The following PRKN variants were observed in gnomAD, a reference collection of about 807,000 sequenced individuals.
PRKN encodes parkin RBR E3 ubiquitin protein ligase, also known as E3 ubiquitin-protein ligase parkin.
A neutral mutation model predicts 59.5 loss-of-function variants in PRKN; 56 were observed. The observed-to-expected ratio is 0.94, with a 90% CI of 0.76 to 1.18. PRKN has a LOEUF of 1.18. PRKN is among the 50% of genes most tolerant of loss of function. The pLI is 0.00. For missense variants in PRKN, 657 were observed against 596.4 expected, an observed-to-expected ratio of 1.10 and a Z score of -1.06; for synonymous variants, 250 against 222.1, an observed-to-expected ratio of 1.13 and a Z score of -1.12.
chr6:161,474,507 T>C (rs1224851921), intron 9 of PRKN, among the ~76,000 whole-genome samples: 1 of 152,186 alleles, frequency 6.6e-6, no homozygotes, highest in East Asian at 1.9e-4. Flanking sequence ...GTGGTATCTG[T>C]GACTTAGTCA....
intron 6 of PRKN, among the ~76,000 whole-genome samples, chr6:161,815,025 CA>C (rs1257622641): frequency 6.6e-6 from 1 of 151,934 alleles, no homozygotes; most frequent in Non-Finnish European, 1.5e-5. Context: ...ACTTTTATGA[CA>C]ATGAGAAAAA....
intron 2 of PRKN, among the ~76,000 whole-genome samples, chr6:162,421,730 G>C (rs7746196): frequency 0.51 from 78,136 of 151,776 alleles, 20,471 homozygotes; most frequent in East Asian, 0.69. Context: ...CAAACAAGGA[G>C]AATCAAGTAA....
At chr6:162,444,862 C>T (rs978196636) in intron 1 of PRKN, among the ~76,000 whole-genome samples, 15 of 152,110 alleles carry the variant, frequency 9.9e-5, no homozygotes, top group Admixed American at 9.8e-4. Flanking sequence ...GTTCCCTTAT[C>T]TTGAAAACAT....
Position 161,419,170 on chromosome 6 carries a change from A to G in PRKN, c.1084-32293T>C, listed in dbSNP as rs1050111242. Among the ~76,000 whole-genome samples the G allele has an allele frequency of 1.3e-5, 2 of 152,192 alleles. No homozygotes were observed. Among genetic ancestry groups the G allele is most frequent in the African/African-American group, 4.8e-5 (2 of 41,434 alleles). The stretch of plus-strand genomic sequence containing the variant: ...AATGGTGAGAATCCTTTACGAGCTA[A>G]CGTGCTACACAGAGTTTGATGCTTC... On this transcript the variant is annotated intron_variant, in intron 9 of 11. Transcript: ENST00000366898. This position sits in a 1 kb window ranked among gnomAD's most constrained non-coding sequence, Gnocchi z 4.1.
intron 1 of PRKN, among the ~76,000 whole-genome samples, chr6:162,617,433 T>C (rs1211366957): frequency 6.6e-6 from 1 of 152,142 alleles, no homozygotes; most frequent in Non-Finnish European, 1.5e-5. Context: ...GGTTTCACCA[T>C]GTTGGCCAGG....
At chr6:162,250,472 G>C (rs1779389819) in intron 3 of PRKN, among the ~76,000 whole-genome samples, 1 of 152,144 alleles carries the variant, frequency 6.6e-6, no homozygotes, top group African/African-American at 2.4e-5. Context: ...CCTTTGATGA[G>C]TACACAGAAG....
chr6:161,481,124 C>T (rs1365706041), intron 9 of PRKN, among the ~76,000 whole-genome samples: 1 of 152,206 alleles, frequency 6.6e-6, no homozygotes, highest in Non-Finnish European at 1.5e-5. Flanking sequence ...ATATTACATG[C>T]CACCATAGAA....
At chr6:162,640,402 C>T (rs1391709819) in intron 1 of PRKN, among the ~76,000 whole-genome samples, 1 of 152,094 alleles carries the variant, frequency 6.6e-6, no homozygotes, top group Non-Finnish European at 1.5e-5. Flanking sequence ...AGTAACATAG[C>T]TGTTTCTGAA....
At position 162,231,640 on chromosome 6, in the gene PRKN, C is replaced by T. The variant is rs576911992; in HGVS notation, c.413-30388G>A. Among the ~76,000 whole-genome samples, 476 of 152,262 alleles carry T rather than the reference C, an allele frequency of 3.1e-3. 1 individual carries two copies. The highest frequency in any genetic ancestry group is 5.2e-3 in the Non-Finnish European group (351 of 68,020). ...CATTTGGGAAAATAACAGCCATACA[C>T]ATAGCACGGTCCTAGGAAAATCATA... On this transcript the variant is annotated intron_variant, in intron 3 of 11. Transcript: ENST00000366898.
rs147757966 is a variant in PRKN at position 162,443,383 on chromosome 6, C to A, written c.98G>T (p.Arg33Leu). 6.2e-7 allele frequency: 1 copy of A among 1,613,966 alleles called. No individual in the cohort carries two copies. Among genetic ancestry groups the A allele is most frequent in the South Asian group, 1.1e-5 (1 of 91,070 alleles). ...IFQLKEVVAK[R>L]QGVPADQLRV... Reference sequence around the variant, plus strand: ...CAACTGGTCAGCCGGAACCCCCTGTCGCTTAGCAACCACCTCCTTGAGCTG... The same window carrying A: ...CAACTGGTCAGCCGGAACCCCCTGTAGCTTAGCAACCACCTCCTTGAGCTG... Residue 33 changes from arginine to leucine, a missense_variant, in exon 2 of 12, where the codon CGA (arginine) becomes CTA (leucine). Transcript: ENST00000366898.
intron 1 of PRKN, among the ~76,000 whole-genome samples, chr6:162,455,643 T>G (rs182978104): frequency 6.6e-6 from 1 of 152,156 alleles, no homozygotes; most frequent in Non-Finnish European, 1.5e-5. Context: ...GGGGGCCCAT[T>G]TTTTTCTGAA....
At chr6:162,265,940 G>A (rs1780111274) in intron 2 of PRKN, among the ~76,000 whole-genome samples, 1 of 152,088 alleles carries the variant, frequency 6.6e-6, no homozygotes, top group Non-Finnish European at 1.5e-5. Context: ...ATTCTATTTG[G>A]ACAAGCTATC....
In PRKN at chr6:161,743,259, G is replaced by A. The variant is rs184290408; in HGVS notation, c.871+42513C>T. 6.9e-3 allele frequency among the ~76,000 whole-genome samples: 790 copies of A among 114,048 alleles called. 9 individuals are homozygous for A. Among genetic ancestry groups the A allele is most frequent in the Admixed American group, 0.014 (103 of 7,410 alleles). 74.8% of individuals were successfully genotyped at this position (114,048 alleles called of 152,430 possible). On this transcript the variant is annotated intron_variant, in intron 7 of 11. Transcript: ENST00000366898. ...TTTTTTGAGACGGAGTCTCTCTGTC[G>A]CCCAGGCTGGAGTGCAGTGGTGCAA...
At chr6:162,177,530 T>A in intron 4 of PRKN, among the ~76,000 whole-genome samples, 1 of 152,196 alleles carries the variant, frequency 6.6e-6, no homozygotes, top group South Asian at 2.1e-4. Flanking sequence ...AACTTATTTT[T>A]CTCATTTAAA....
At chr6:162,363,127 C>CAA (rs1471437759) in intron 2 of PRKN, among the ~76,000 whole-genome samples, 1 of 38,850 alleles carries the variant, frequency 2.6e-5, no homozygotes, top group Non-Finnish European at 4.5e-5. Flanking sequence ...GACTCCTTCT[C>CAA]AAACAAAAAA....
intron 6 of PRKN, among the ~76,000 whole-genome samples, chr6:161,802,632 C>T (rs2128211048): frequency 6.6e-6 from 1 of 152,296 alleles, no homozygotes; most frequent in South Asian, 2.1e-4. Context: ...CAACGAGCCC[C>T]TCTAACCACC....
At chr6:162,075,304 TAAG>T (rs201404599) in intron 4 of PRKN, among the ~76,000 whole-genome samples, 2,439 of 152,264 alleles carry the variant, frequency 0.016, 38 homozygotes, top group Non-Finnish European at 0.026. Flanking sequence ...GCTTATTAAA[TAAG>T]AAGTTTATTA....
chr6:162,304,342 G>C (rs1782114735), intron 2 of PRKN, among the ~76,000 whole-genome samples: 1 of 150,644 alleles, frequency 6.6e-6, no homozygotes, highest in Admixed American at 6.6e-5. Context: ...TTCCCTCTTT[G>C]TTAATGACCA....
intron 3 of PRKN, among the ~76,000 whole-genome samples, chr6:162,247,257 GTAACAGAAA>G (rs1294838366): frequency 1.3e-5 from 2 of 152,076 alleles, no homozygotes; most frequent in African/African-American, 4.8e-5. Context: ...AGAAGAAACA[GTAACAGAAA>G]AATACAACGA....
Sources: gnomAD v4.1 joint callset for allele counts (sites outside exome capture counted in the v4.1 genomes callset) on GRCh38, gnomAD v4.1.1 for gene constraint, Gnocchi (gnomAD v3.1) non-coding constraint, MANE v1.5 for transcripts, NCBI Gene and HGNC (gene_info 2026-07-23, HGNC 2026-07-21) for gene names.